Variants in FNDC3A observed in about 807,000 individuals in gnomAD.
The protein encoded by FNDC3A is fibronectin type III domain containing 3A, also known as fibronectin type-III domain-containing protein 3A.
Under a neutral mutation model 148.9 loss-of-function variants are expected in FNDC3A, and 32 were observed. The ratio of observed to expected loss-of-function variants is 0.21; its 90% confidence interval spans 0.16 to 0.29. The LOEUF (loss-of-function observed/expected upper bound fraction) is 0.29, where lower values mean the gene tolerates loss of function less well. Ranked by LOEUF, FNDC3A falls within the 10% of genes least tolerant of loss-of-function variation. The probability of loss-of-function intolerance (pLI) is 1.00; values close to 1 mark genes in which losing one functional copy is unlikely to be tolerated. For missense variants in FNDC3A, 1,191 were observed against 1,452.8 expected, an observed-to-expected ratio of 0.82 and a Z score of 2.93; for synonymous variants, 472 against 473.6, an observed-to-expected ratio of 1.00 and a Z score of 0.04.
chr13:49,094,724 G>A (rs1879414495), intron 3 of FNDC3A, among the ~76,000 whole-genome samples: 1 of 151,976 alleles, frequency 6.6e-6, no homozygotes, highest in African/African-American at 2.4e-5. Context: ...AAGGCACTAT[G>A]GAAGCATATA....
At chr13:49,029,895 A>G (rs1453707537) in intron 2 of FNDC3A, among the ~76,000 whole-genome samples, 1 of 152,216 alleles carries the variant, frequency 6.6e-6, no homozygotes, top group Non-Finnish European at 1.5e-5. Context: ...CAAAACAACC[A>G]AAACCGAATC....
intron 13 of FNDC3A, among the ~76,000 whole-genome samples, chr13:49,176,655 AC>A (rs918734875): frequency 6.6e-6 from 1 of 152,184 alleles, no homozygotes; most frequent in African/African-American, 2.4e-5. Flanking sequence ...AGAAAAAAAA[AC>A]ATTTTAGTGT....
rs1184591074 is a variant in FNDC3A at position 49,209,353 on chromosome 13, A to G, written c.*1958A>G. Reference sequence around the variant, plus strand: ...ACTTGCCATTTGAGCCTCACTGCAAAATTAGTGCAGAGGAGAAAACAATTT... The same window carrying G: ...ACTTGCCATTTGAGCCTCACTGCAAGATTAGTGCAGAGGAGAAAACAATTT... On this transcript the variant is annotated 3_prime_UTR_variant, in exon 26 of 26. Transcript: ENST00000492622. 1 of 152,646 alleles carries G rather than the reference A, an allele frequency of 6.6e-6. No homozygotes were observed. The highest frequency in any genetic ancestry group is 1.5e-5 in the Non-Finnish European group (1 of 68,044). 9.5% of individuals were successfully genotyped at this position (152,646 alleles called of 1,614,324 possible).
intron 4 of FNDC3A, among the ~76,000 whole-genome samples, chr13:49,130,399 A>T (rs2137922101): frequency 6.6e-6 from 1 of 152,200 alleles, no homozygotes; most frequent in Middle Eastern, 3.4e-3. Context: ...CATGTCATTG[A>T]TTATCTGATT....
intron 3 of FNDC3A, among the ~76,000 whole-genome samples, chr13:49,114,401 C>T (rs912294465): frequency 8.1e-5 from 11 of 136,382 alleles, no homozygotes; most frequent in Non-Finnish European, 1.3e-4. Flanking sequence ...TTTAAAAAGC[C>T]CTCCAACCTC....
intron 8 of FNDC3A, among the ~76,000 whole-genome samples, chr13:49,151,373 T>G (rs1330150569): frequency 6.6e-6 from 1 of 152,204 alleles, no homozygotes; most frequent in African/African-American, 2.4e-5. Flanking sequence ...ACATAAAGTC[T>G]GTTTTATCTG....
intron 3 of FNDC3A, among the ~76,000 whole-genome samples, chr13:49,107,955 G>A (rs1419988278): frequency 6.6e-6 from 1 of 152,132 alleles, no homozygotes; most frequent in Non-Finnish European, 1.5e-5. Flanking sequence ...GGAAGACATG[G>A]ATGAGAAAGG....
chr13:49,146,210 A>C, intron 8 of FNDC3A: 1 of 304,296 alleles, frequency 3.3e-6, no homozygotes, highest in South Asian at 4.6e-5. Context: ...ACGTATTCTT[A>C]ATGCATTAAA....
chr13:49,043,043 C>A (rs1278551540), intron 2 of FNDC3A, among the ~76,000 whole-genome samples: 1 of 152,008 alleles, frequency 6.6e-6, no homozygotes, highest in Non-Finnish European at 1.5e-5. Context: ...TCAGCCTTGA[C>A]CTCCTGGGCT....
intron 1 of FNDC3A, among the ~76,000 whole-genome samples, chr13:49,002,245 A>G (rs1952140096): frequency 6.6e-6 from 1 of 152,156 alleles, no homozygotes; most frequent in African/African-American, 2.4e-5. Context: ...TCCTGATCTT[A>G]AAGGAAAAGC....
intron 5 of FNDC3A, among the ~76,000 whole-genome samples, chr13:49,133,874 A>G (rs1882177600): frequency 6.6e-6 from 1 of 152,162 alleles, no homozygotes; most frequent in Non-Finnish European, 1.5e-5. Flanking sequence ...ACTATAATAT[A>G]TTCTTTTTTC....
At chr13:49,176,333 G>A (rs1413858174) in intron 13 of FNDC3A, among the ~76,000 whole-genome samples, 1 of 151,968 alleles carries the variant, frequency 6.6e-6, no homozygotes, top group Non-Finnish European at 1.5e-5. Context: ...GCTTTTTTTG[G>A]TTGGTAGGCT....
intron 9 of FNDC3A, among the ~76,000 whole-genome samples, chr13:49,168,233 T>C (rs1458898260): frequency 6.6e-6 from 1 of 152,218 alleles, no homozygotes; most frequent in East Asian, 1.9e-4. Context: ...CTAACCTTTT[T>C]CAAACTGTAG....
intron 8 of FNDC3A, among the ~76,000 whole-genome samples, chr13:49,156,586 T>C (rs1883705089): frequency 6.6e-6 from 1 of 150,616 alleles, no homozygotes; most frequent in South Asian, 2.1e-4. Flanking sequence ...GTGATTTTGC[T>C]CGTTAGTTGA....
At position 49,207,408 on chromosome 13, in the gene FNDC3A, AT is replaced by A. The variant is rs772277972; in HGVS notation, c.*19del. The A allele has an allele frequency of 1.5e-5, 22 of 1,443,038 alleles. No individual in the cohort carries two copies. Among genetic ancestry groups the A allele is most frequent in the South Asian group, 8.6e-5 (7 of 81,830 alleles). The allele number at this position is 1,443,038 out of a possible 1,614,324, so 89.4% of individuals were successfully genotyped here. ...TGTAATCAAGTGAAAATATAACTTT[AT>A]TTTTTAACTCTATTACATTTTATTT... On this transcript the variant is annotated 3_prime_UTR_variant, in exon 26 of 26. Coordinates refer to ENST00000492622, the MANE Select transcript of FNDC3A (RefSeq NM_001079673.2).
At chr13:49,187,632 C>G (rs576785803) in intron 16 of FNDC3A, 88 of 1,602,698 alleles carry the variant, frequency 5.5e-5, no homozygotes, top group Non-Finnish European at 7.3e-5. Flanking sequence ...TCCTACGGAC[C>G]ACAGAGGTTG....
chr13:49,031,041 A>C (rs1874081163), intron 2 of FNDC3A, among the ~76,000 whole-genome samples: 1 of 152,212 alleles, frequency 6.6e-6, no homozygotes, highest in South Asian at 2.1e-4. Context: ...AGAATAGCCA[A>C]AATAATTTTG....
intron 2 of FNDC3A, among the ~76,000 whole-genome samples, chr13:49,045,236 C>T (rs1875299008): frequency 6.6e-6 from 1 of 151,988 alleles, no homozygotes; most frequent in Admixed American, 6.6e-5. Context: ...TAACTGCAAC[C>T]TCTGTCTCCC....
chr13:49,054,306 A>T lies in FNDC3A; in HGVS notation c.100-20983A>T, dbSNP rs369712389. On this transcript the variant is annotated intron_variant, in intron 2 of 25. Coordinates refer to ENST00000492622, the MANE Select transcript of FNDC3A (RefSeq NM_001079673.2). ...ATCTGTAGTATACAACCTGTAGTAT[A>T]TTAAAACATAATTCATTTCCATTAA... 1.1e-4 allele frequency among the ~76,000 whole-genome samples: 16 copies of T among 152,322 alleles called. No individual in the cohort carries two copies. The East Asian group carries it at 1.5e-3, about 15-fold the overall frequency.
Sources: gnomAD v4.1 joint callset for allele counts (sites outside exome capture counted in the v4.1 genomes callset) on GRCh38, gnomAD v4.1.1 for gene constraint, MANE v1.5 for transcripts, NCBI Gene and HGNC (gene_info 2026-07-23, HGNC 2026-07-21) for gene names.